SEMA3A: variants seen among roughly 807,000 people sequenced by gnomAD.
SEMA3A encodes the protein semaphorin 3A, also known as semaphorin-3A.
In SEMA3A, 29 loss-of-function variants were observed where a neutral mutation model predicts 97.9. The ratio of observed to expected loss-of-function variants is 0.30; its 90% CI spans 0.22 to 0.40. The LOEUF is 0.40. Among genes scored for constraint, SEMA3A ranks in the 10% least tolerant of loss-of-function variants. SEMA3A has a pLI of 1.00. For synonymous variants in SEMA3A, 321 were observed against 323.7 expected (o/e 0.99, Z 0.09); for missense variants, 763 against 951.3 (o/e 0.80, Z 2.60).
chr7:84,115,748 AAT>A (rs1488570561), intron 3 of SEMA3A, among the ~76,000 whole-genome samples: 2 of 152,142 alleles, frequency 1.3e-5, no homozygotes, highest in Non-Finnish European at 2.9e-5. Flanking sequence ...AATCTACATA[AAT>A]ATGTTTCCTA....
At chr7:84,281,545 G>A (rs1265621521) in intron 3 of SEMA3A, among the ~76,000 whole-genome samples, 1 of 152,170 alleles carries the variant, frequency 6.6e-6, no homozygotes, top group Non-Finnish European at 1.5e-5. Context: ...GGGATAAGCA[G>A]TTTAGTTAAT....
At chr7:84,216,385 G>A (rs575173365) in intron 3 of SEMA3A, among the ~76,000 whole-genome samples, 71 of 152,274 alleles carry the variant, frequency 4.7e-4, no homozygotes, top group African/African-American at 1.5e-3. Flanking sequence ...GATTACAGGC[G>A]TGAGGTATGT....
chr7:84,428,752 A>T (rs1804891358), intron 1 of SEMA3A, among the ~76,000 whole-genome samples: 1 of 152,202 alleles, frequency 6.6e-6, no homozygotes, highest in Non-Finnish European at 1.5e-5. Context: ...AAAACATAAT[A>T]AAACTTGATC....
intron 5 of SEMA3A, among the ~76,000 whole-genome samples, chr7:84,050,601 G>A (rs1473377866): frequency 6.6e-6 from 1 of 151,994 alleles, no homozygotes; most frequent in Non-Finnish European, 1.5e-5. Context: ...TGTAGATTCT[G>A]GATATTAGCC....
chr7:84,168,115 C>T (rs1319525800), intron 1 of SEMA3A, among the ~76,000 whole-genome samples: 2 of 151,896 alleles, frequency 1.3e-5, no homozygotes, highest in Admixed American at 6.6e-5. Flanking sequence ...ATAATTTATA[C>T]GCAAGTGAAA....
intron 5 of SEMA3A, among the ~76,000 whole-genome samples, chr7:84,055,719 T>G (rs1430788423): frequency 1.3e-5 from 2 of 152,254 alleles, no homozygotes; most frequent in African/African-American, 2.4e-5. Context: ...TCAGCCATCT[T>G]GGCTCCTCCC....
intron 1 of SEMA3A, among the ~76,000 whole-genome samples, chr7:84,462,926 C>A (rs867852847): frequency 3.9e-5 from 6 of 152,084 alleles, no homozygotes; most frequent in Non-Finnish European, 7.4e-5. Context: ...TGTCTGAGTC[C>A]TTCTGCCAAG....
intron 5 of SEMA3A, among the ~76,000 whole-genome samples, chr7:84,059,380 G>A (rs1793124257): frequency 6.6e-6 from 1 of 151,930 alleles, no homozygotes; most frequent in South Asian, 2.1e-4. Flanking sequence ...AGTGAAACAT[G>A]GTGACAAAAG....
At chr7:84,277,705 C>T (rs1444109256) in intron 3 of SEMA3A, among the ~76,000 whole-genome samples, 4 of 152,026 alleles carry the variant, frequency 2.6e-5, no homozygotes, top group African/African-American at 7.2e-5. Flanking sequence ...TCAGGGGGGG[C>T]CTCAGGAAAC....
chr7:84,012,226 C>T (rs1790911134), intron 7 of SEMA3A, among the ~76,000 whole-genome samples: 1 of 152,108 alleles, frequency 6.6e-6, no homozygotes, highest in African/African-American at 2.4e-5. Flanking sequence ...GATTTTAAGT[C>T]TTCTCGCCAC....
intron 4 of SEMA3A, among the ~76,000 whole-genome samples, chr7:84,078,583 G>C (rs984639637): frequency 1.3e-5 from 2 of 151,970 alleles, no homozygotes; most frequent in African/African-American, 4.8e-5. Flanking sequence ...TCTCATGGTG[G>C]AGGTACTATA....
chr7:84,444,642 A>G (rs1805359709), intron 1 of SEMA3A, among the ~76,000 whole-genome samples: 1 of 150,396 alleles, frequency 6.6e-6, no homozygotes, highest in African/African-American at 2.4e-5. Context: ...GCTCACTGCA[A>G]GCTCCCCCTC....
intron 3 of SEMA3A, among the ~76,000 whole-genome samples, chr7:84,214,489 G>A (rs1031152234): frequency 6.6e-6 from 1 of 152,066 alleles, no homozygotes; most frequent in South Asian, 2.1e-4. Context: ...CACAAAACAT[G>A]ATGAGGAAAC....
At chr7:84,135,492 T>C (rs1796098798) in intron 1 of SEMA3A, among the ~76,000 whole-genome samples, 1 of 152,156 alleles carries the variant, frequency 6.6e-6, no homozygotes, top group African/African-American at 2.4e-5. Flanking sequence ...AGAGAGGAAG[T>C]GAAATAACTT....
At chr7:84,360,731 GT>G (rs1292385229) in intron 2 of SEMA3A, among the ~76,000 whole-genome samples, 1 of 152,026 alleles carries the variant, frequency 6.6e-6, no homozygotes, top group Non-Finnish European at 1.5e-5. Flanking sequence ...GGGGAATAGA[GT>G]AAACCATACA....
intron 3 of SEMA3A, among the ~76,000 whole-genome samples, chr7:84,249,783 T>TAA (rs200411097): frequency 2.1e-5 from 3 of 140,244 alleles, no homozygotes; most frequent in African/African-American, 2.6e-5. Flanking sequence ...GATTCCTTTC[T>TAA]AAAAAAAAAA....
intron 1 of SEMA3A, among the ~76,000 whole-genome samples, chr7:84,450,780 C>T (rs1218177838): frequency 6.6e-6 from 1 of 152,126 alleles, no homozygotes; most frequent in East Asian, 1.9e-4. Context: ...AACATCTTTT[C>T]ATAAACTGGA....
intron 2 of SEMA3A, among the ~76,000 whole-genome samples, chr7:84,340,907 G>A (rs897229467): frequency 6.6e-6 from 1 of 151,624 alleles, no homozygotes; most frequent in African/African-American, 2.4e-5. Flanking sequence ...TATTTTTGGA[G>A]AAAATATTTA....
intron 4 of SEMA3A, among the ~76,000 whole-genome samples, chr7:84,080,562 T>TAAAAAATATACTTTAATCTCTGTGA (rs1298613885): frequency 6.7e-4 from 5 of 7,454 alleles, no homozygotes; most frequent in Admixed American, 1.4e-3. Flanking sequence ...TATAATTCTT[T>TAAAAAATATACTTTAATCTCTGTGA]TTTTTTTTTT....
Sources: allele counts gnomAD v4.1 joint callset (sites outside exome capture counted in the v4.1 genomes callset), GRCh38; gene constraint gnomAD v4.1.1; transcripts MANE v1.5; gene names NCBI Gene and HGNC (gene_info 2026-07-23, HGNC 2026-07-21).